The following LRP1B variants were observed in gnomAD, a reference collection of about 807,000 sequenced individuals.
The protein encoded by LRP1B is LDL receptor related protein 1B.
In LRP1B, 217 loss-of-function variants were observed where a neutral mutation model predicts 556.6. The ratio of observed to expected loss-of-function variants is 0.39; its 90% CI spans 0.35 to 0.44. The LOEUF is 0.44. Ranked by LOEUF, LRP1B falls within the 20% of genes least tolerant of loss-of-function variation. The pLI is 1.00. For synonymous variants in LRP1B, 2,047 were observed against 1,865.8 expected (o/e 1.10, Z -2.50); for missense variants, 5,053 against 5,620.8 (o/e 0.90, Z 3.23).
In LRP1B at chr2:141,271,635, G is replaced by T. The variant is rs189557526; in HGVS notation, c.344-16994C>A. 3.3e-5 allele frequency among the ~76,000 whole-genome samples: 5 copies of T among 151,812 alleles called. No homozygotes were observed. In the East Asian group the frequency reaches 9.7e-4, roughly 29 times the overall value. On this transcript the variant is annotated intron_variant, in intron 3 of 90. Transcript: ENST00000389484. ...GCCAACCAAGAATCTTATTTCCAGC[G>T]AAGCTCTCTTTACAAAATTAGAATT...
intron 3 of LRP1B, among the ~76,000 whole-genome samples, chr2:141,364,423 CACACAT>C (rs891767213): frequency 2.7e-5 from 4 of 150,768 alleles, no homozygotes; most frequent in African/African-American, 9.8e-5. Flanking sequence ...CACACACACA[CACACAT>C]ATATATATTT....
intron 66 of LRP1B, among the ~76,000 whole-genome samples, chr2:140,435,223 C>T (rs1208222903): frequency 6.6e-6 from 1 of 151,854 alleles, no homozygotes; most frequent in Non-Finnish European, 1.5e-5. Context: ...ACTTTTAAAT[C>T]TCCATATTTC....
chr2:140,926,800 G>A (rs546282863), intron 20 of LRP1B, among the ~76,000 whole-genome samples: 1 of 152,086 alleles, frequency 6.6e-6, no homozygotes, highest in African/African-American at 2.4e-5. Context: ...CCCTGTGTCA[G>A]AAAGTTAGAG....
At chr2:141,329,538 G>A (rs1687556858) in intron 3 of LRP1B, among the ~76,000 whole-genome samples, 2 of 151,834 alleles carry the variant, frequency 1.3e-5, no homozygotes, top group African/African-American at 4.8e-5. Flanking sequence ...CAGCTACTCA[G>A]GAGGCTGAGG....
intron 2 of LRP1B, among the ~76,000 whole-genome samples, chr2:141,615,561 T>G (rs867741479): frequency 1.2e-5 from 1 of 85,668 alleles, no homozygotes; most frequent in African/African-American, 3.2e-5. Flanking sequence ...AATTTTATAT[T>G]TAATATAATT....
At chr2:140,256,756 C>A (rs1681713560) in intron 86 of LRP1B, among the ~76,000 whole-genome samples, 1 of 151,496 alleles carries the variant, frequency 6.6e-6, no homozygotes, top group African/African-American at 2.4e-5. Flanking sequence ...TGTGAGCCAC[C>A]GCGCCCAACC....
chr2:142,124,966 T>C (rs545867221), intron 1 of LRP1B, among the ~76,000 whole-genome samples: 2 of 151,856 alleles, frequency 1.3e-5, no homozygotes, highest in African/African-American at 2.4e-5. Context: ...GTTTCATCAA[T>C]TGGTTTAGTC....
Position 141,431,163 on chromosome 2 carries a change from A to AAATAAATAAATAAATAAATAAATG in LRP1B, c.343+49232_343+49233insCATTTATTTATTTATTTATTTATT, listed in dbSNP as rs1390298793. ...AATCAAAATAAATAAATAAATAAAT[A>AAATAAATAAATAAATAAATAAATG]AATGAAATAGATTACCATAGATTAT... On this transcript the variant is annotated intron_variant, in intron 3 of 90. Coordinates refer to ENST00000389484, the MANE Select transcript of LRP1B (RefSeq NM_018557.3). Among the ~76,000 whole-genome samples the AAATAAATAAATAAATAAATAAATG allele has an allele frequency of 1.5e-3, 228 of 152,010 alleles. 1 individual carries two copies. The highest frequency in any genetic ancestry group is 5.2e-3 in the African/African-American group (215 of 41,458).
rs35659529 is a variant in LRP1B, at chr2:141,739,681, T to TTG, written c.205+70597_205+70598insCA. Among the ~76,000 whole-genome samples the TTG allele has an allele frequency of 5.3e-4, 22 of 41,364 alleles. No homozygotes were observed. The South Asian group carries it at 0.019, about 36-fold the overall frequency. 27.1% of individuals were successfully genotyped at this position (41,364 alleles called of 152,430 possible). ...ATAATTAGATATTATCTACTGGTTGTTTTTTTTTTTTTGCCACCATTAATA... is the reference window on the plus strand; with the variant it reads ...ATAATTAGATATTATCTACTGGTTGTTGTTTTTTTTTTTTGCCACCATTAATA... On this transcript the variant is annotated intron_variant, in intron 2 of 90. Transcript: ENST00000389484.
chr2:141,414,239 A>AG (rs1690990172), intron 3 of LRP1B, among the ~76,000 whole-genome samples: 2 of 139,078 alleles, frequency 1.4e-5, no homozygotes, highest in African/African-American at 5.1e-5. Flanking sequence ...CTCTATCTCA[A>AG]AAAAAAAAAA....
At chr2:142,063,958 C>G (rs1471571203) in intron 1 of LRP1B, among the ~76,000 whole-genome samples, 1 of 151,534 alleles carries the variant, frequency 6.6e-6, no homozygotes, top group African/African-American at 2.4e-5. Flanking sequence ...GAATAAGATT[C>G]ACACATACAA....
intron 3 of LRP1B, among the ~76,000 whole-genome samples, chr2:141,281,318 T>C (rs1185418316): frequency 2.6e-5 from 4 of 151,956 alleles, no homozygotes; most frequent in African/African-American, 9.7e-5. Flanking sequence ...AATGTAATGA[T>C]TGTAGGTATC....
chr2:140,380,119 G>C lies in LRP1B; in HGVS notation c.10532-1833C>G, dbSNP rs187504308. Among the ~76,000 whole-genome samples, 83 of 152,150 alleles carry C rather than the reference G, an allele frequency of 5.5e-4. 2 individuals carry two copies. Among genetic ancestry groups the C allele is most frequent in the African/African-American group, 2.0e-3 (82 of 41,528 alleles). ...TGAATTTTTGTAACAACTCTCTAAG[G>C]AACGTGCTATACTTGTACCCTGTTT... On this transcript the variant is annotated intron_variant, in intron 67 of 90. Coordinates refer to ENST00000389484, the MANE Select transcript of LRP1B (RefSeq NM_018557.3).
At chr2:142,009,285 G>C (rs1482980326) in intron 1 of LRP1B, among the ~76,000 whole-genome samples, 1 of 152,084 alleles carries the variant, frequency 6.6e-6, no homozygotes, top group Non-Finnish European at 1.5e-5. Context: ...TCAAACTGGA[G>C]AGTTTGAGCC....
At chr2:141,297,660 C>G (rs1324986504) in intron 3 of LRP1B, among the ~76,000 whole-genome samples, 1 of 152,082 alleles carries the variant, frequency 6.6e-6, no homozygotes, top group African/African-American at 2.4e-5. Context: ...GTTACAAAAC[C>G]CTACACTTTA....
At chr2:140,904,585 T>A (rs921815228) in intron 22 of LRP1B, among the ~76,000 whole-genome samples, 6 of 152,130 alleles carry the variant, frequency 3.9e-5, no homozygotes, top group African/African-American at 1.4e-4. Flanking sequence ...ATATAATTTG[T>A]CACCATCAAA....
intron 2 of LRP1B, among the ~76,000 whole-genome samples, chr2:141,486,402 T>C (rs944742229): frequency 3.3e-5 from 5 of 152,154 alleles, no homozygotes; most frequent in African/African-American, 1.2e-4. Flanking sequence ...AATATTTTAC[T>C]GTGTACATTA....
rs1427666312 is a variant in LRP1B, at chr2:142,031,579, G to A, written c.82+99069C>T. Among the ~76,000 whole-genome samples the A allele has an allele frequency of 2.9e-5, 4 of 139,214 alleles. No individual in the cohort carries two copies. In the East Asian group the frequency reaches 8.5e-4, roughly 30 times the overall value. 91.3% of individuals were successfully genotyped at this position (139,214 alleles called of 152,430 possible). A position where few individuals can be genotyped will look rare whatever the true frequency, so the allele number is the denominator to read the frequency against. ...TATTTATTGATAAGATTCTCTTAAT[G>A]TATTGAAGAGAAAAAAATGACATAT... On this transcript the variant is annotated intron_variant, in intron 1 of 90. Coordinates refer to ENST00000389484, the MANE Select transcript of LRP1B (RefSeq NM_018557.3).
chr2:141,463,595 A>AT (rs1193900833), intron 3 of LRP1B, among the ~76,000 whole-genome samples: 693 of 35,940 alleles, frequency 0.019, 19 homozygotes, highest in Non-Finnish European at 0.031. Flanking sequence ...TATATAATAT[A>AT]TATTATATAT....
Sources: allele counts gnomAD v4.1 joint callset (sites outside exome capture counted in the v4.1 genomes callset), GRCh38; gene constraint gnomAD v4.1.1; transcripts MANE v1.5; gene names NCBI Gene and HGNC (gene_info 2026-07-23, HGNC 2026-07-21).